Variants in SDK1 observed in about 807,000 individuals in gnomAD.
SDK1 encodes sidekick cell adhesion molecule 1.
A neutral mutation model predicts 245.5 loss-of-function variants in SDK1; 157 were observed. That is an observed-to-expected ratio of 0.64 (90% CI 0.56 to 0.73). The LOEUF (loss-of-function observed/expected upper bound fraction) is 0.73, where lower values mean the gene tolerates loss of function less well. Among genes scored for constraint, SDK1 ranks in the 30% least tolerant of loss-of-function variants. The probability of loss-of-function intolerance (pLI) is 0.00; values close to 1 mark genes in which losing one functional copy is unlikely to be tolerated. For synonymous variants in SDK1, 1,647 were observed against 1,278.5 expected, an observed-to-expected ratio of 1.29 and a Z score of -6.15; for missense variants, 3,583 against 3,002.3, an observed-to-expected ratio of 1.19 and a Z score of -4.52.
intron 1 of SDK1, among the ~76,000 whole-genome samples, chr7:3,407,630 C>T (rs1224131564): frequency 6.6e-6 from 1 of 152,158 alleles, no homozygotes; most frequent in Non-Finnish European, 1.5e-5. Flanking sequence ...CAGCTTTCTG[C>T]TAGTGACCTA....
At chr7:3,706,010 A>G (rs1784878412) in intron 4 of SDK1, among the ~76,000 whole-genome samples, 2 of 152,206 alleles carry the variant, frequency 1.3e-5, no homozygotes, top group Admixed American at 1.3e-4. Context: ...TCTTTTCTGC[A>G]TCTATTGAAA....
Position 3,790,716 on chromosome 7 carries a change from G to A in SDK1, c.714-30734G>A, listed in dbSNP as rs138661536. On this transcript the variant is annotated intron_variant, in intron 4 of 44. Coordinates refer to ENST00000404826, the MANE Select transcript of SDK1 (RefSeq NM_152744.4). ...AGCTACTCGGGAGACTGAGGCAGGA[G>A]AATTGCTTGAACCCGGGAGGCAGAG... Among the ~76,000 whole-genome samples, 1,075 of 152,298 alleles carry A rather than the reference G, an allele frequency of 7.1e-3. 10 individuals carry two copies. Among genetic ancestry groups the A allele is most frequent in the African/African-American group, 0.022 (917 of 41,570 alleles).
intron 1 of SDK1, among the ~76,000 whole-genome samples, chr7:3,540,743 A>T (rs763335619): frequency 2.0e-5 from 3 of 152,232 alleles, no homozygotes; most frequent in Admixed American, 1.3e-4. Flanking sequence ...AGTTGTTTCC[A>T]TAAGGCTCTG....
intron 30 of SDK1, among the ~76,000 whole-genome samples, chr7:4,153,494 G>C (rs1487943728): frequency 6.6e-6 from 1 of 152,202 alleles, no homozygotes; most frequent in Non-Finnish European, 1.5e-5. Context: ...GTTGAGGCAG[G>C]AGAATTGCTT....
intron 4 of SDK1, among the ~76,000 whole-genome samples, chr7:3,706,802 T>G (rs955663427): frequency 1.3e-5 from 2 of 152,184 alleles, no homozygotes; most frequent in African/African-American, 4.8e-5. Context: ...GTTATATGTT[T>G]CCAGGAATTT....
At chr7:4,258,302 T>A (rs1041397299) in intron 44 of SDK1, among the ~76,000 whole-genome samples, 40 of 152,146 alleles carry the variant, frequency 2.6e-4, no homozygotes, top group African/African-American at 8.0e-4. Flanking sequence ...CCCCACCCAG[T>A]GTGAACCCTG....
At chr7:3,885,559 C>G (rs1781318059) in intron 5 of SDK1, among the ~76,000 whole-genome samples, 1 of 152,214 alleles carries the variant, frequency 6.6e-6, no homozygotes, top group South Asian at 2.1e-4. Flanking sequence ...CCTGTACCAC[C>G]TGGCTGCGGC....
At chr7:3,698,007 C>T (rs1395863525) in intron 4 of SDK1, among the ~76,000 whole-genome samples, 1 of 152,130 alleles carries the variant, frequency 6.6e-6, no homozygotes, top group Non-Finnish European at 1.5e-5. Flanking sequence ...ACAGTGCTGG[C>T]ATCTCTGAGC....
chr7:3,302,036 C>T, intron 1 of SDK1, 152 bp downstream of exon 1: 1 of 446,056 alleles, frequency 2.2e-6, no homozygotes. Context: ...GGGGCTCCTC[C>T]ACGCCAGACT....
At chr7:3,988,361 G>A (rs534228029) in intron 14 of SDK1, among the ~76,000 whole-genome samples, 56 of 151,352 alleles carry the variant, frequency 3.7e-4, no homozygotes, top group Non-Finnish European at 6.8e-4. Context: ...GGTACCTCTC[G>A]CCAGGACCAC....
At position 3,727,706 on chromosome 7, in the gene SDK1, G is replaced by A. The variant is rs185658928; in HGVS notation, c.713+85601G>A. Among the ~76,000 whole-genome samples, 441 of 152,194 alleles carry A rather than the reference G, an allele frequency of 2.9e-3. 5 individuals carry two copies. The East Asian group carries it at 0.037, about 13-fold the overall frequency. ...GGGTTTCACCATGTTGGCCGGGCTG[G>A]TCTCGAACTCCTGACCTCGGGTGAT... On this transcript the variant is annotated intron_variant, in intron 4 of 44. Transcript: ENST00000404826.
At chr7:4,029,228 T>TTTTTTTTTGTTTG (rs746967075) in intron 17 of SDK1, among the ~76,000 whole-genome samples, 1 of 112,072 alleles carries the variant, frequency 8.9e-6, no homozygotes, top group African/African-American at 5.0e-5. Context: ...TTTTTTTTTT[T>TTTTTTTTTGTTTG]TGTGAAGAAG....
intron 4 of SDK1, among the ~76,000 whole-genome samples, chr7:3,658,057 G>T (rs1233970657): frequency 6.6e-6 from 1 of 152,196 alleles, no homozygotes; most frequent in African/African-American, 2.4e-5. Flanking sequence ...CTAAAGGCAA[G>T]TGCCCGACTT....
At chr7:3,599,401 A>G (rs1781181627) in intron 1 of SDK1, among the ~76,000 whole-genome samples, 1 of 151,880 alleles carries the variant, frequency 6.6e-6, no homozygotes. Flanking sequence ...GTTTGCCTGT[A>G]TTTTCTCCTA....
Position 3,680,485 on chromosome 7 carries a change from A to C in SDK1, c.713+38380A>C, listed in dbSNP as rs12536936. Among the ~76,000 whole-genome samples the C allele has an allele frequency of 7.3e-4, 111 of 152,094 alleles. 1 individual carries two copies. The highest frequency in any genetic ancestry group is 2.4e-3 in the African/African-American group (101 of 41,480). On this transcript the variant is annotated intron_variant, in intron 4 of 44. Coordinates refer to ENST00000404826, the MANE Select transcript of SDK1 (RefSeq NM_152744.4). ...CAAATGAGTACATGGAAAAATGATG[A>C]AATCTAAGTGAGGTCTGGGTGTTGT...
chr7:3,488,848 T>C (rs1221272864), intron 1 of SDK1, among the ~76,000 whole-genome samples: 1 of 151,934 alleles, frequency 6.6e-6, no homozygotes, highest in Non-Finnish European at 1.5e-5. Context: ...GACACTCACA[T>C]GAGAGGTTGC....
At position 3,638,973 on chromosome 7, in the gene SDK1, A is replaced by G. The variant is rs1416415148; in HGVS notation, c.459-31A>G. Reference sequence around the variant, plus strand: ...ATATAACCATGAAACACTGGATATAAGCATTAACACTTCTTTTTGCTATTC... The same window carrying G: ...ATATAACCATGAAACACTGGATATAGGCATTAACACTTCTTTTTGCTATTC... On this transcript the variant is annotated intron_variant, in intron 2 of 44. Coordinates refer to ENST00000404826, the MANE Select transcript of SDK1 (RefSeq NM_152744.4). The G allele has an allele frequency of 2.9e-6, 4 of 1,376,008 alleles. No homozygotes were observed. In the South Asian group the frequency reaches 5.0e-5, roughly 17 times the overall value. The allele number at this position is 1,376,008 out of a possible 1,614,324, so 85.2% of individuals were successfully genotyped here.
chr7:3,989,166 G>A (rs541534637), intron 14 of SDK1, among the ~76,000 whole-genome samples: 2 of 152,356 alleles, frequency 1.3e-5, no homozygotes, highest in East Asian at 3.9e-4. Flanking sequence ...GCAATTTACA[G>A]AGGAAAGAGG....
At chr7:3,431,724 A>G (rs1779852991) in intron 1 of SDK1, among the ~76,000 whole-genome samples, 2 of 152,194 alleles carry the variant, frequency 1.3e-5, no homozygotes, top group Non-Finnish European at 2.9e-5. Flanking sequence ...CTGTTTTGCA[A>G]TGACTAGTTT....
Sources: gnomAD v4.1 joint callset for allele counts (sites outside exome capture counted in the v4.1 genomes callset) on GRCh38, gnomAD v4.1.1 for gene constraint, MANE v1.5 for transcripts, NCBI Gene and HGNC (gene_info 2026-07-23, HGNC 2026-07-21) for gene names.